The following PLS3 variants were observed in gnomAD, a reference collection of about 807,000 sequenced individuals.
PLS3 encodes plastin-3.
Under a neutral mutation model 46.5 loss-of-function variants are expected in PLS3, and 11 were observed. The observed-to-expected ratio is 0.24, with a 90% CI of 0.15 to 0.39. The LOEUF (loss-of-function observed/expected upper bound fraction) is 0.39, where lower values mean the gene tolerates loss of function less well. Ranked by LOEUF, PLS3 falls within the 10% of genes least tolerant of loss-of-function variation. The pLI, the probability that PLS3 is intolerant of heterozygous loss-of-function variation, is 1.00. For synonymous variants in PLS3, 167 were observed against 162.2 expected (o/e 1.03, Z -0.22); for missense variants, 308 against 461.8 (o/e 0.67, Z 3.05).
chrX:115,586,811 T>A (rs2074312541), intron 1 of PLS3, among the ~76,000 whole-genome samples: 1 of 112,469 alleles, frequency 8.9e-6, no homozygotes, highest in East Asian at 2.8e-4. Context: ...TAGATTTTTG[T>A]CTTGCCTGAA....
chrX:115,644,872 T>C (rs934294033), intron 10 of PLS3, 149 bp from the exon 11 acceptor site: 47 of 393,409 alleles, frequency 1.2e-4, no homozygotes, highest in Non-Finnish European at 2.0e-4. Context: ...AGAGAATGTA[T>C]GTACTTAGAA....
chrX:115,633,786 T>C (rs1158285936), intron 5 of PLS3, among the ~76,000 whole-genome samples: 1 of 111,753 alleles, frequency 8.9e-6, no homozygotes, highest in African/African-American at 3.2e-5. Flanking sequence ...AGCCACCACA[T>C]CAGGCCTTGG....
chrX:115,626,827 ATG>A (rs2074715605), intron 3 of PLS3, among the ~76,000 whole-genome samples: 1 of 109,215 alleles, frequency 9.2e-6, no homozygotes, highest in Non-Finnish European at 1.9e-5. Flanking sequence ...TTCTATATAT[ATG>A]TATATATATG....
At chrX:115,627,479 G>A (rs1329414893) in intron 3 of PLS3, among the ~76,000 whole-genome samples, 2 of 111,869 alleles carry the variant, frequency 1.8e-5, no homozygotes, top group Non-Finnish European at 3.8e-5. Flanking sequence ...GTAGACTAGT[G>A]ACTATTGTCT....
intron 1 of PLS3, among the ~76,000 whole-genome samples, chrX:115,582,477 C>T (rs2074284683): frequency 8.9e-6 from 1 of 111,999 alleles, no homozygotes; most frequent in African/African-American, 3.2e-5. Flanking sequence ...ATTCCCTCCT[C>T]GAAGTCATAC....
chrX:115,609,499 T>C (rs183848453), intron 1 of PLS3, among the ~76,000 whole-genome samples: 3 of 111,948 alleles, frequency 2.7e-5, no homozygotes. Context: ...AAAGTTAATG[T>C]GCCCCCATCA....
chrX:115,574,403 C>G (rs1253953156), intron 1 of PLS3, among the ~76,000 whole-genome samples: 1 of 111,790 alleles, frequency 8.9e-6, no homozygotes, highest in Non-Finnish European at 1.9e-5. Context: ...GAAGACTAAA[C>G]AAATGGCTTC....
chrX:115,639,343 C>T (rs782717671), intron 8 of PLS3, among the ~76,000 whole-genome samples: 1 of 111,984 alleles, frequency 8.9e-6, no homozygotes, highest in African/African-American at 3.2e-5. Flanking sequence ...CTGATTTTCC[C>T]CATTCTTAGA....
chrX:115,595,639 A>C (rs2147451916), intron 1 of PLS3, among the ~76,000 whole-genome samples: 1 of 110,136 alleles, frequency 9.1e-6, no homozygotes, highest in Non-Finnish European at 1.9e-5. Context: ...TGACAATAAA[A>C]AATGTTAGTA....
chrX:115,639,996 T>C lies in PLS3; in HGVS notation c.892-412T>C, dbSNP rs1000270783. On this transcript the variant is annotated intron_variant, in intron 8 of 15. Coordinates refer to ENST00000355899, the MANE Select transcript of PLS3 (RefSeq NM_005032.7). ...ACATAGCTAATCTCTTCTTCGTAGG[T>C]TGTGGTATATGCATTGTGCTTTGTA... 8.2e-6 allele frequency: 4 copies of C among 486,598 alleles called. No homozygotes were observed. The East Asian group carries it at 1.5e-4, about 18-fold the overall frequency. The allele number at this position is 486,598 out of a possible 1,213,427, so 40.1% of individuals were successfully genotyped here.
At chrX:115,594,308 A>G (rs2074366639) in intron 1 of PLS3, among the ~76,000 whole-genome samples, 1 of 111,281 alleles carries the variant, frequency 9.0e-6, no homozygotes, top group African/African-American at 3.3e-5. Context: ...TATTTCTGGC[A>G]AAGGGAAGTA....
chrX:115,648,301 G>A (rs2074972344), intron 15 of PLS3, among the ~76,000 whole-genome samples: 1 of 111,795 alleles, frequency 8.9e-6, no homozygotes, highest in Non-Finnish European at 1.9e-5. Context: ...GTATTTTAAT[G>A]CAAATCAGGT....
At chrX:115,599,468 C>T (rs1177456124) in intron 1 of PLS3, among the ~76,000 whole-genome samples, 3 of 98,162 alleles carry the variant, frequency 3.1e-5, no homozygotes, top group African/African-American at 1.1e-4. Context: ...TTGGAGGCTG[C>T]AGTGATCATG....
In PLS3 at chrX:115,610,327, A is replaced by C. The variant is rs782484117; in HGVS notation, c.73+4A>C. 1 of 1,073,240 alleles carries C rather than the reference A, an allele frequency of 9.3e-7. No individual in the cohort carries two copies. The allele number at this position is 1,073,240 out of a possible 1,213,427, so 88.4% of individuals were successfully genotyped here. On this transcript the variant is annotated splice_donor_region_variant and intron_variant, in intron 2 of 15. Transcript: ENST00000355899. Reference sequence around the variant, plus strand: ...AAAGAGGCCTTTGCAAAAGTTGGTGAGTATTTTTTGTAGTAAAACTATAGG... The same window carrying C: ...AAAGAGGCCTTTGCAAAAGTTGGTGCGTATTTTTTGTAGTAAAACTATAGG...
chrX:115,626,335 A>G (rs2074710184), intron 3 of PLS3, among the ~76,000 whole-genome samples: 3 of 106,965 alleles, frequency 2.8e-5, no homozygotes, highest in African/African-American at 3.4e-5. Context: ...CCTAGGCTAG[A>G]GTGCAGTGGC....
At chrX:115,631,535 C>A (rs191032759) in intron 5 of PLS3, among the ~76,000 whole-genome samples, 1 of 110,242 alleles carries the variant, frequency 9.1e-6, no homozygotes, top group South Asian at 4.0e-4. Flanking sequence ...GGAGTTAGGT[C>A]CAGTCTGGGC....
intron 2 of PLS3, among the ~76,000 whole-genome samples, chrX:115,614,965 G>A (rs2074583204): frequency 9.0e-6 from 1 of 111,046 alleles, no homozygotes; most frequent in South Asian, 3.8e-4. Context: ...CCAGATGAGG[G>A]CACACAATAT....
chrX:115,641,219 CTCTT>C (rs1262838177), intron 9 of PLS3, among the ~76,000 whole-genome samples: 7 of 100,303 alleles, frequency 7.0e-5, no homozygotes, highest in Admixed American at 2.2e-4. Flanking sequence ...CATTTTTCTT[CTCTT>C]TCTTTTTTTT....
intron 1 of PLS3, among the ~76,000 whole-genome samples, chrX:115,566,353 G>A (rs1178500582): frequency 8.7e-5 from 3 of 34,390 alleles, no homozygotes; most frequent in African/African-American, 2.1e-4. Context: ...AAACCTACAT[G>A]TGATACTTTC....
Sources: allele counts gnomAD v4.1 joint callset (sites outside exome capture counted in the v4.1 genomes callset), GRCh38; gene constraint gnomAD v4.1.1; transcripts MANE v1.5; gene names NCBI Gene and HGNC (gene_info 2026-07-23, HGNC 2026-07-21).